The following BPTF variants were observed in gnomAD, a reference collection of about 807,000 sequenced individuals.
BPTF encodes bromodomain PHD finger transcription factor.
A neutral mutation model predicts 292.5 loss-of-function variants in BPTF; 18 were observed. The observed-to-expected ratio is 0.06, with a 90% CI of 0.04 to 0.09. The LOEUF (loss-of-function observed/expected upper bound fraction) is 0.09, where lower values mean the gene tolerates loss of function less well. Among genes scored for constraint, BPTF ranks in the 10% least tolerant of loss-of-function variants. The pLI is 1.00. For synonymous variants in BPTF, 1,225 were observed against 1,251.9 expected (o/e 0.98, Z 0.45); for missense variants, 2,726 against 3,498.7 (o/e 0.78, Z 5.57).
At chr17:67,841,635 C>T (rs1462644270) in intron 1 of BPTF, among the ~76,000 whole-genome samples, 1 of 152,060 alleles carries the variant, frequency 6.6e-6, no homozygotes, top group African/African-American at 2.4e-5. Flanking sequence ...TTCCTGGGCT[C>T]AAGCAGTCCA....
chr17:67,865,632 T>C (rs1417491669), intron 2 of BPTF, among the ~76,000 whole-genome samples: 1 of 152,234 alleles, frequency 6.6e-6, no homozygotes, highest in Non-Finnish European at 1.5e-5. Flanking sequence ...AGGCTCACTC[T>C]CATCGAGTGC....
rs1211212470 is a variant in BPTF at position 67,922,887 on chromosome 17, C to T, written c.5605C>T (p.Pro1869Ser). Residue 1869 changes from proline (P) to serine (S), a missense_variant, in exon 14 of 28, where the codon CCA becomes TCA. This residue lies in a region of BPTF where 198 missense variants were observed against 277.1 expected (regional missense o/e 0.71). Coordinates refer to ENST00000306378, the MANE Select transcript of BPTF (RefSeq NM_182641.4). ...RKGLRSSALR[P>S]KRPETPKQTG... Reference sequence around the variant, plus strand: ...AGGCCTTCGATCAAGTGCACTGCGGCCAAAGAGACCAGAAACGCCCAAGCA... The same window carrying T: ...AGGCCTTCGATCAAGTGCACTGCGGTCAAAGAGACCAGAAACGCCCAAGCA... 2 of 1,613,874 alleles carry T rather than the reference C, an allele frequency of 1.2e-6. No individual in the cohort carries two copies. Among genetic ancestry groups the T allele is most frequent in the Non-Finnish European group, 1.7e-6 (2 of 1,180,000 alleles).
intron 27 of BPTF, among the ~76,000 whole-genome samples, chr17:67,977,264 C>G (rs1407729254): frequency 2.0e-5 from 3 of 152,102 alleles, no homozygotes; most frequent in Admixed American, 2.0e-4. Flanking sequence ...CCTGTAATCC[C>G]AGCACTTTGG....
At chr17:67,866,242 C>T (rs554188324) in intron 2 of BPTF, among the ~76,000 whole-genome samples, 9 of 152,124 alleles carry the variant, frequency 5.9e-5, no homozygotes, top group Non-Finnish European at 1.0e-4. Context: ...AGTACTCTCA[C>T]GTGGTTCTGA....
chr17:67,884,198 C>T (rs1446406814), intron 4 of BPTF, among the ~76,000 whole-genome samples: 12 of 146,808 alleles, frequency 8.2e-5, no homozygotes, highest in East Asian at 4.0e-4. Context: ...AGTGCAGTGG[C>T]GCAATCTCAG....
chr17:67,843,467 A>G (rs980566207), intron 1 of BPTF, among the ~76,000 whole-genome samples: 34 of 150,164 alleles, frequency 2.3e-4, no homozygotes, highest in Non-Finnish European at 3.1e-4. Context: ...CAGCCTCTCA[A>G]AGTGCTGGGA....
At chr17:67,904,567 G>A in intron 8 of BPTF, 135 bp from the exon 9 acceptor site, 2 of 627,468 alleles carry the variant, frequency 3.2e-6, no homozygotes, top group Non-Finnish European at 5.0e-6. Flanking sequence ...TCCCCACTTG[G>A]AAAAACCTGG....
Position 67,826,197 on chromosome 17 carries a change from C to G in BPTF, c.473C>G (p.Ser158Cys), listed in dbSNP as rs1251600278. 2 of 1,611,876 alleles carry G rather than the reference C, an allele frequency of 1.2e-6. No homozygotes were observed. The highest frequency in any genetic ancestry group is 4.5e-5 in the East Asian group (2 of 44,840). The change falls in exon 1 of 28, where the codon TCT becomes TGT. Residue 158 changes from serine to cysteine, a missense_variant. Physicochemically the swap from Ser to Cys is moderately radical, Grantham distance 112. Transcript: ENST00000306378. Reference sequence around the variant, plus strand: ...GGCGACGCCGAGGAGACCCAGGATTCTGAGGACGACGAGGAGGATGAGATG... The same window carrying G: ...GGCGACGCCGAGGAGACCCAGGATTGTGAGGACGACGAGGAGGATGAGATG... ...EDGDAEETQD[S>C]EDDEEDEMEE...
At chr17:67,870,981 C>A (rs2059692508) in intron 3 of BPTF, among the ~76,000 whole-genome samples, 2 of 151,472 alleles carry the variant, frequency 1.3e-5, no homozygotes, top group Non-Finnish European at 2.9e-5. Context: ...GTTTTTTAGC[C>A]AGGATGGTCT....
chr17:67,918,072 T>C (rs1037536710), intron 11 of BPTF, among the ~76,000 whole-genome samples: 4 of 152,060 alleles, frequency 2.6e-5, no homozygotes, highest in African/African-American at 9.7e-5. Flanking sequence ...GTGCTGGGAT[T>C]ACAGGCATGA....
chr17:67,909,510 C>T, intron 9 of BPTF, 72 bp from the exon 10 acceptor site: 10 of 944,050 alleles, frequency 1.1e-5, no homozygotes, highest in Admixed American at 3.3e-5. Flanking sequence ...TGTTTATTTT[C>T]ACTAAACTTG....
At chr17:67,848,111 AAC>A (rs1246262759) in intron 1 of BPTF, among the ~76,000 whole-genome samples, 2 of 152,176 alleles carry the variant, frequency 1.3e-5, no homozygotes, top group Non-Finnish European at 2.9e-5. Context: ...TCCTTCTAGA[AAC>A]ACACATTATA....
Position 67,911,192 on chromosome 17 carries a change from C to T in BPTF, c.3308C>T (p.Ser1103Phe). Residue 1103 changes from serine (S) to phenylalanine (F), a missense_variant, in exon 11 of 28, where the codon TCT (serine) becomes TTT (phenylalanine). Coordinates refer to ENST00000306378, the MANE Select transcript of BPTF (RefSeq NM_182641.4). The stretch of plus-strand genomic sequence containing the variant: ...TCTACAAATTCTTCAAAAAATCTCT[C>T]TGAATCACCAGTAATAACGAAAGCA... ...KTSTNSSKNL[S>F]ESPVITKAKE... 1.2e-6 allele frequency: 2 copies of T among 1,613,776 alleles called. No homozygotes were observed. The highest frequency in any genetic ancestry group is 1.7e-6 in the Non-Finnish European group (2 of 1,179,948).
At chr17:67,966,192 GTC>G (rs1331684369) in intron 25 of BPTF, 1 of 174,696 alleles carries the variant, frequency 5.7e-6, no homozygotes, top group Non-Finnish European at 1.2e-5. Context: ...CTAACATCAC[GTC>G]TCTGCTACCT....
chr17:67,952,410 C>T (rs1256809008), intron 23 of BPTF, among the ~76,000 whole-genome samples: 2 of 151,930 alleles, frequency 1.3e-5, no homozygotes, highest in East Asian at 1.9e-4. Flanking sequence ...ATTACAGACA[C>T]CTGCTACCAC....
chr17:67,873,535 T>A (rs980453405), intron 3 of BPTF, among the ~76,000 whole-genome samples: 1 of 152,100 alleles, frequency 6.6e-6, no homozygotes, highest in African/African-American at 2.4e-5. Flanking sequence ...ATAAATTTAT[T>A]TTTATGAGGA....
chr17:67,869,724 C>T (rs1248625156), intron 3 of BPTF, among the ~76,000 whole-genome samples: 1 of 151,236 alleles, frequency 6.6e-6, no homozygotes, highest in African/African-American at 2.4e-5. Context: ...TGGCTCACGC[C>T]TGTAATCCCA....
At chr17:67,882,354 G>T (rs1400474263) in intron 4 of BPTF, among the ~76,000 whole-genome samples, 2 of 151,972 alleles carry the variant, frequency 1.3e-5, no homozygotes, top group Non-Finnish European at 2.9e-5. Flanking sequence ...ACATATTTTT[G>T]AAAAGAAAAA....
intron 13 of BPTF, among the ~76,000 whole-genome samples, chr17:67,921,121 A>C (rs2063401199): frequency 6.7e-6 from 1 of 149,632 alleles, no homozygotes; most frequent in Non-Finnish European, 1.5e-5. Context: ...GAGGCCCGAG[A>C]ATTGCTTGAG....
Sources: allele counts gnomAD v4.1 joint callset (sites outside exome capture counted in the v4.1 genomes callset), GRCh38; gene constraint gnomAD v4.1.1; regional missense constraint gnomAD v4.1.1; transcripts MANE v1.5; gene names NCBI Gene and HGNC (gene_info 2026-07-23, HGNC 2026-07-21).